The following MPRIP variants were observed in gnomAD, a reference collection of about 807,000 sequenced individuals.
MPRIP encodes the protein myosin phosphatase Rho-interacting protein.
In MPRIP, 59 loss-of-function variants were observed where a neutral mutation model predicts 234.9. The ratio of observed to expected loss-of-function variants is 0.25; its 90% CI spans 0.20 to 0.31. The LOEUF (loss-of-function observed/expected upper bound fraction) is 0.31, where lower values mean the gene tolerates loss of function less well. Among genes scored for constraint, MPRIP ranks in the 10% least tolerant of loss-of-function variants. The probability of loss-of-function intolerance (pLI) is 1.00; values close to 1 mark genes in which losing one functional copy is unlikely to be tolerated. For synonymous variants in MPRIP, 1,144 were observed against 1,263.9 expected (o/e 0.91, Z 2.01); for missense variants, 2,436 against 3,071.0 (o/e 0.79, Z 4.89).
At chr17:17,168,878 C>A (rs1165921981) in intron 16 of MPRIP, 4 of 456,728 alleles carry the variant, frequency 8.8e-6, no homozygotes, top group South Asian at 6.2e-5. Flanking sequence ...GCTCCTGACT[C>A]CCAGGTGGCT....
At chr17:17,155,026 CAAAA>C (rs759182817) in intron 13 of MPRIP, among the ~76,000 whole-genome samples, 47 of 151,992 alleles carry the variant, frequency 3.1e-4, no homozygotes, top group Non-Finnish European at 6.0e-4. Context: ...CAAAACAAAA[CAAAA>C]AAAGCAGAGA....
intron 23 of MPRIP, chr17:17,183,290 A>G (rs1160996289): frequency 1.3e-5 from 2 of 152,224 alleles, no homozygotes; most frequent in African/African-American, 2.4e-5. Context: ...ATCTCTGCTC[A>G]CTGCAAGCTC....
At chr17:17,113,555 C>G (rs1177045923) in intron 3 of MPRIP, among the ~76,000 whole-genome samples, 1 of 152,202 alleles carries the variant, frequency 6.6e-6, no homozygotes, top group Admixed American at 6.5e-5. Flanking sequence ...TTGGTGGACA[C>G]TGGAGCTGCT....
chr17:17,111,686 G>A (rs1322491579), intron 3 of MPRIP, among the ~76,000 whole-genome samples: 1 of 152,192 alleles, frequency 6.6e-6, no homozygotes, highest in Admixed American at 6.5e-5. Context: ...TTAAACCGAG[G>A]CAGCAGGACC....
chr17:17,110,680 G>T (rs917697396), intron 3 of MPRIP, among the ~76,000 whole-genome samples: 1 of 152,160 alleles, frequency 6.6e-6, no homozygotes, highest in Non-Finnish European at 1.5e-5. Context: ...AAGAGAAGGG[G>T]TATCACCTCT....
intron 23 of MPRIP, chr17:17,180,487 G>A: frequency 1.1e-6 from 1 of 905,558 alleles, no homozygotes; most frequent in Non-Finnish European, 1.9e-6. Context: ...CCAGGAAGCA[G>A]TACATCTTTA....
rs1293209979 is a variant in MPRIP, at chr17:17,181,577, T to A, written c.7206+1489T>A. The A allele has an allele frequency of 4.6e-5, 7 of 152,342 alleles. No individual in the cohort carries two copies. The East Asian group carries it at 1.3e-3, about 29-fold the overall frequency. The allele number at this position is 152,342 out of a possible 1,614,324, so 9.4% of individuals were successfully genotyped here. A position where few individuals can be genotyped will look rare whatever the true frequency, so the allele number is the denominator to read the frequency against. ...TGGGCATTTTTCTTTAAACATAACG[T>A]TTTGTTTAGCAAAAGGAAACTTGTT... On this transcript the variant is annotated intron_variant, in intron 23 of 23. Coordinates refer to ENST00000651222, the MANE Select transcript of MPRIP (RefSeq NM_001364716.4).
At chr17:17,169,731 C>T (rs953713502) in intron 16 of MPRIP, among the ~76,000 whole-genome samples, 3 of 152,246 alleles carry the variant, frequency 2.0e-5, no homozygotes, top group Non-Finnish European at 4.4e-5. Context: ...GAGATTTCAT[C>T]ACTTTATGCA....
chr17:17,175,820 C>T (rs768911158), intron 20 of MPRIP, among the ~76,000 whole-genome samples: 1 of 152,242 alleles, frequency 6.6e-6, no homozygotes, highest in Non-Finnish European at 1.5e-5. Context: ...ACTTAGATTT[C>T]TCCACATTCA....
chr17:17,105,160 G>A (rs1312950188), intron 3 of MPRIP, among the ~76,000 whole-genome samples: 1 of 152,176 alleles, frequency 6.6e-6, no homozygotes, highest in African/African-American at 2.4e-5. Context: ...CCTGGGATGG[G>A]CATCGCTTTC....
At chr17:17,100,534 G>A (rs1308174289) in intron 3 of MPRIP, among the ~76,000 whole-genome samples, 1 of 152,276 alleles carries the variant, frequency 6.6e-6, no homozygotes, top group East Asian at 1.9e-4. Context: ...CACAGCAGGA[G>A]GTGAGTGGCA....
At chr17:17,127,289 A>G (rs2090511209) in intron 4 of MPRIP, among the ~76,000 whole-genome samples, 1 of 152,206 alleles carries the variant, frequency 6.6e-6, no homozygotes, top group African/African-American at 2.4e-5. Flanking sequence ...TGTCTCTGTC[A>G]GTGGTGGTGG....
chr17:17,137,775 G>T, intron 6 of MPRIP, 141 bp from the exon 7 acceptor site: 1 of 586,272 alleles, frequency 1.7e-6, no homozygotes, highest in Non-Finnish European at 2.8e-6. Context: ...CTCTGCCCTT[G>T]AGTGGGGTGT....
At chr17:17,106,918 A>G (rs1007730665) in intron 3 of MPRIP, among the ~76,000 whole-genome samples, 28 of 152,354 alleles carry the variant, frequency 1.8e-4, no homozygotes, top group African/African-American at 6.5e-4. Flanking sequence ...AGAGCATCCA[A>G]GATAACGACT....
At chr17:17,103,076 A>G (rs2089995399) in intron 3 of MPRIP, among the ~76,000 whole-genome samples, 1 of 152,216 alleles carries the variant, frequency 6.6e-6, no homozygotes, top group Non-Finnish European at 1.5e-5. Context: ...TGTTTCCTCC[A>G]TGCCAAGGCC....
chr17:17,061,843 C>T (rs964556564), intron 1 of MPRIP, among the ~76,000 whole-genome samples: 3 of 152,100 alleles, frequency 2.0e-5, no homozygotes, highest in Non-Finnish European at 4.4e-5. Flanking sequence ...TGGCTCCTTC[C>T]ACTGTGGAGC....
chr17:17,096,453 A>G (rs1291755877), intron 3 of MPRIP, among the ~76,000 whole-genome samples: 1 of 152,164 alleles, frequency 6.6e-6, no homozygotes, highest in African/African-American at 2.4e-5. Flanking sequence ...TATGAGGAAA[A>G]GATACTTTCA....
At chr17:17,090,609 C>T (rs1455710054) in intron 3 of MPRIP, among the ~76,000 whole-genome samples, 2 of 152,172 alleles carry the variant, frequency 1.3e-5, no homozygotes, top group African/African-American at 2.4e-5. Context: ...TTCCTCTGGA[C>T]ACTGAGTACA....
Position 17,138,200 on chromosome 17 carries a change from C to T in MPRIP, c.1021C>T (p.Pro341Ser), listed in dbSNP as rs1163868481. 3 of 871,760 alleles carry T rather than the reference C, an allele frequency of 3.4e-6. No individual in the cohort carries two copies. The highest frequency in any genetic ancestry group is 5.1e-6 in the Non-Finnish European group (3 of 583,374). 54.0% of individuals were successfully genotyped at this position (871,760 alleles called of 1,614,324 possible). A position where few individuals can be genotyped will look rare whatever the true frequency, so the allele number is the denominator to read the frequency against. Reference sequence around the variant, plus strand: ...CTCCCTGGATGTGGCCAGCCAGCCACCTGCCTACGTGGACTCTGGCAGCAC... The same window carrying T: ...CTCCCTGGATGTGGCCAGCCAGCCATCTGCCTACGTGGACTCTGGCAGCAC... Reference protein sequence around the residue: ...LSSLDVASQPPAYVDSGSTRG... With the variant: ...LSSLDVASQPSAYVDSGSTRG... The change falls in exon 7 of 24, where the codon CCT (proline) becomes TCT (serine). Residue 341 changes from proline to serine, a missense_variant. Coordinates refer to ENST00000651222, the MANE Select transcript of MPRIP (RefSeq NM_001364716.4). This position sits in a 1 kb window ranked among gnomAD's most constrained non-coding sequence, Gnocchi z 5.8.
Sources: allele counts gnomAD v4.1 joint callset (sites outside exome capture counted in the v4.1 genomes callset), GRCh38; gene constraint gnomAD v4.1.1; non-coding constraint Gnocchi (gnomAD v3.1); transcripts MANE v1.5; gene names NCBI Gene and HGNC (gene_info 2026-07-23, HGNC 2026-07-21).